KAT6B: variants seen among roughly 807,000 people sequenced by gnomAD.
KAT6B encodes histone acetyltransferase KAT6B.
Under a neutral mutation model 187.5 loss-of-function variants are expected in KAT6B, and 10 were observed. The ratio of observed to expected loss-of-function variants is 0.05; its 90% confidence interval spans 0.03 to 0.09. KAT6B has a LOEUF of 0.09. Among genes scored for constraint, KAT6B ranks in the 10% least tolerant of loss-of-function variants. The probability of loss-of-function intolerance (pLI) is 1.00; values close to 1 mark genes in which losing one functional copy is unlikely to be tolerated. For missense variants in KAT6B, 1,952 were observed against 2,558.9 expected (o/e 0.76, Z 5.12); for synonymous variants, 861 against 926.8 (o/e 0.93, Z 1.29).
At chr10:74,833,600 G>A (rs571642302) in intron 1 of KAT6B, among the ~76,000 whole-genome samples, 1 of 152,270 alleles carries the variant, frequency 6.6e-6, no homozygotes, top group East Asian at 1.9e-4. Context: ...TAGGGATTAT[G>A]GAAACCATAA....
intron 1 of KAT6B, among the ~76,000 whole-genome samples, chr10:74,830,752 A>G (rs1332862387): frequency 4.9e-4 from 11 of 22,532 alleles, no homozygotes; most frequent in African/African-American, 3.3e-3. Context: ...ATATATATAT[A>G]TATATATATA....
chr10:74,851,111 A>AT (rs551058752), intron 3 of KAT6B, among the ~76,000 whole-genome samples: 1,897 of 145,958 alleles, frequency 0.013, 34 homozygotes, highest in African/African-American at 0.044. Context: ...AATCAAAATG[A>AT]TTTTTTTTTT....
At chr10:74,855,524 CT>C (rs1842760719) in intron 3 of KAT6B, among the ~76,000 whole-genome samples, 1 of 152,206 alleles carries the variant, frequency 6.6e-6, no homozygotes, top group South Asian at 2.1e-4. Context: ...ATTGTAAACA[CT>C]TCTGTCTTAT....
At chr10:75,017,777 C>T (rs1423456578) in intron 13 of KAT6B, among the ~76,000 whole-genome samples, 2 of 152,220 alleles carry the variant, frequency 1.3e-5, no homozygotes, top group African/African-American at 2.4e-5. Context: ...ACCAAGCACG[C>T]CAGTGGAGTG....
At position 75,030,411 on chromosome 10, in the gene KAT6B, C is replaced by T. The variant is rs1455915669; in HGVS notation, c.5587C>T (p.Gln1863Ter). ...TAACACAGGGCTTGTTCAACTTTCT[C>T]AGTCTCCACACTCCGTCCCTGGGGG... The part of the protein sequence containing the change: ...LSNTGLVQLS[Q>*]SPHSVPGGPQ... The change falls in exon 18 of 18, where the codon CAG becomes TAG. Residue 1863 changes from glutamine to a stop codon, truncating the protein, a stop_gained. Transcript: ENST00000287239. LOFTEE classifies it high-confidence loss of function. The surrounding 1 kb of genome is among the most constrained non-coding windows in gnomAD (Gnocchi z 4.8). 6.2e-7 allele frequency: 1 copy of T among 1,614,146 alleles called. No individual in the cohort carries two copies. Among genetic ancestry groups the T allele is most frequent in the African/African-American group, 1.3e-5 (1 of 74,940 alleles).
At chr10:74,898,141 G>A (rs1044158405) in intron 3 of KAT6B, among the ~76,000 whole-genome samples, 16 of 151,996 alleles carry the variant, frequency 1.1e-4, no homozygotes, top group Admixed American at 2.0e-4. Flanking sequence ...TTAAACAAAC[G>A]TGAAAGGCAT....
intron 3 of KAT6B, among the ~76,000 whole-genome samples, chr10:74,936,185 G>T (rs1849254092): frequency 6.6e-6 from 1 of 152,074 alleles, no homozygotes; most frequent in Non-Finnish European, 1.5e-5. Flanking sequence ...GGCGAATCAT[G>T]AGGTCAGGAG....
intron 3 of KAT6B, among the ~76,000 whole-genome samples, chr10:74,882,726 G>A (rs1012372018): frequency 2.8e-4 from 42 of 152,164 alleles, no homozygotes; most frequent in African/African-American, 9.2e-4. Flanking sequence ...GTCTTTAAAA[G>A]TTAATTTCTT....
At chr10:74,894,520 GTTTT>G (rs1275106618) in intron 3 of KAT6B, among the ~76,000 whole-genome samples, 1 of 152,258 alleles carries the variant, frequency 6.6e-6, no homozygotes, top group Admixed American at 6.5e-5. Flanking sequence ...GATCTTTAGA[GTTTT>G]TTTATCTTGT....
intron 3 of KAT6B, among the ~76,000 whole-genome samples, chr10:74,883,626 C>G (rs2132548472): frequency 6.6e-6 from 1 of 152,228 alleles, no homozygotes. Context: ...TTCATAAGAG[C>G]TAGTGAATGG....
At chr10:74,921,449 T>A (rs1355250616) in intron 3 of KAT6B, among the ~76,000 whole-genome samples, 4 of 152,180 alleles carry the variant, frequency 2.6e-5, no homozygotes, top group African/African-American at 9.6e-5. Flanking sequence ...TTTTTAAACT[T>A]GTAGCTCCTG....
At chr10:74,947,574 A>G (rs1840040471) in intron 3 of KAT6B, among the ~76,000 whole-genome samples, 1 of 152,258 alleles carries the variant, frequency 6.6e-6, no homozygotes, top group African/African-American at 2.4e-5. Context: ...TAAACCAAAC[A>G]AGGATCTTCC....
At chr10:74,847,491 C>T (rs1214082011) in intron 3 of KAT6B, among the ~76,000 whole-genome samples, 1 of 151,808 alleles carries the variant, frequency 6.6e-6, no homozygotes, top group Non-Finnish European at 1.5e-5. Context: ...GGAGAAACCT[C>T]GTCTCTATTA....
intron 10 of KAT6B, among the ~76,000 whole-genome samples, chr10:74,981,377 T>TCTTTC (rs1172359253): frequency 3.3e-5 from 5 of 151,012 alleles, no homozygotes; most frequent in African/African-American, 1.2e-4. Context: ...TTCTTTCCTT[T>TCTTTC]CTTTCTTTAT....
intron 4 of KAT6B, among the ~76,000 whole-genome samples, chr10:74,965,300 C>CT (rs1425351461): frequency 3.3e-5 from 5 of 152,212 alleles, no homozygotes; most frequent in Admixed American, 2.6e-4. Context: ...TTTTGGGTCT[C>CT]TTTTTTAGGG....
intron 3 of KAT6B, among the ~76,000 whole-genome samples, chr10:74,901,334 C>T (rs889826296): frequency 2.0e-5 from 3 of 152,246 alleles, no homozygotes; most frequent in Middle Eastern, 3.4e-3. Context: ...GAAATATTGA[C>T]GTTCTGTAAA....
intron 3 of KAT6B, among the ~76,000 whole-genome samples, chr10:74,915,433 C>T (rs1245805178): frequency 2.0e-5 from 3 of 152,206 alleles, no homozygotes; most frequent in Non-Finnish European, 2.9e-5. Context: ...GTCTAGCTAA[C>T]GCTCACTCAT....
intron 3 of KAT6B, among the ~76,000 whole-genome samples, chr10:74,901,792 T>C (rs1010139103): frequency 8.5e-5 from 13 of 152,176 alleles, no homozygotes; most frequent in Admixed American, 7.2e-4. Context: ...TAAAAACAAA[T>C]CTAAATTAAG....
intron 3 of KAT6B, among the ~76,000 whole-genome samples, chr10:74,887,401 C>T (rs1221617142): frequency 1.3e-5 from 2 of 152,134 alleles, no homozygotes; most frequent in Non-Finnish European, 2.9e-5. Flanking sequence ...AATCTTGGCT[C>T]ACTGCAACCT....
Sources: allele counts gnomAD v4.1 joint callset (sites outside exome capture counted in the v4.1 genomes callset), GRCh38; gene constraint gnomAD v4.1.1; non-coding constraint Gnocchi (gnomAD v3.1); transcripts MANE v1.5; gene names NCBI Gene and HGNC (gene_info 2026-07-23, HGNC 2026-07-21).